The following PRKAG2 variants were observed in gnomAD, a reference collection of about 807,000 sequenced individuals.
PRKAG2 encodes the protein protein kinase AMP-activated non-catalytic subunit gamma 2, also known as 5'-AMP-activated protein kinase subunit gamma-2.
PRKAG2 carries 26 observed loss-of-function variants against 69.6 expected under a neutral mutation model. The observed-to-expected ratio is 0.37, with a 90% confidence interval of 0.27 to 0.52. The LOEUF is 0.52. Among genes scored for constraint, PRKAG2 ranks in the 20% least tolerant of loss-of-function variants. The probability of loss-of-function intolerance (pLI) is 0.90; values close to 1 mark genes in which losing one functional copy is unlikely to be tolerated. For missense variants in PRKAG2, 557 were observed against 740.0 expected (o/e 0.75, Z 2.87); for synonymous variants, 293 against 285.0 (o/e 1.03, Z -0.28).
chr7:151,866,241 C>G (rs185646678), intron 1 of PRKAG2, among the ~76,000 whole-genome samples: 6 of 152,240 alleles, frequency 3.9e-5, no homozygotes, highest in African/African-American at 1.4e-4. Flanking sequence ...AGCCTCATCC[C>G]CTACCCCAGG....
intron 4 of PRKAG2, among the ~76,000 whole-genome samples, chr7:151,669,107 CT>C (rs1211193440): frequency 1.3e-5 from 2 of 152,134 alleles, no homozygotes; most frequent in African/African-American, 4.8e-5. Flanking sequence ...GGGAATGACA[CT>C]TTCTTTTCTC....
intron 5 of PRKAG2, among the ~76,000 whole-genome samples, chr7:151,619,681 GA>G (rs887396476): frequency 2.0e-5 from 3 of 152,066 alleles, no homozygotes; most frequent in African/African-American, 7.2e-5. Context: ...TCATCCCCAA[GA>G]TATCTCATTA....
intron 3 of PRKAG2, chr7:151,735,840 G>A (rs1227143430): frequency 3.1e-5 from 47 of 1,531,764 alleles, no homozygotes; most frequent in Non-Finnish European, 3.8e-5. Context: ...GTGCACACAC[G>A]CCGTGGGGTT....
At chr7:151,608,221 A>G (rs538347343) in intron 5 of PRKAG2, among the ~76,000 whole-genome samples, 1 of 152,308 alleles carries the variant, frequency 6.6e-6, no homozygotes, top group East Asian at 1.9e-4. Context: ...AACCCTGCTG[A>G]TGACTTACTC....
At chr7:151,578,680 G>A (rs1451873528) in intron 6 of PRKAG2, among the ~76,000 whole-genome samples, 1 of 152,208 alleles carries the variant, frequency 6.6e-6, no homozygotes, top group Non-Finnish European at 1.5e-5. Flanking sequence ...GAAATGAGTA[G>A]AGCCAACCCA....
intron 1 of PRKAG2, among the ~76,000 whole-genome samples, chr7:151,799,965 TAA>T (rs1452156035): frequency 6.6e-6 from 1 of 152,242 alleles, no homozygotes; most frequent in Admixed American, 6.5e-5. Context: ...AGTCTTTTTA[TAA>T]GTTTAATTCT....
chr7:151,626,508 A>G (rs1355000177), intron 5 of PRKAG2, among the ~76,000 whole-genome samples: 3 of 152,204 alleles, frequency 2.0e-5, no homozygotes, highest in African/African-American at 7.2e-5. Context: ...TCAGCAGGGA[A>G]GGGTAGAGTT....
At chr7:151,792,564 G>A (rs568668147) in intron 1 of PRKAG2, among the ~76,000 whole-genome samples, 3 of 152,302 alleles carry the variant, frequency 2.0e-5, no homozygotes, top group South Asian at 4.1e-4. Context: ...ACCTTCCAGC[G>A]TTTCTGATGT....
intron 5 of PRKAG2, among the ~76,000 whole-genome samples, chr7:151,622,381 T>C (rs1018714838): frequency 1.3e-5 from 2 of 152,230 alleles, no homozygotes; most frequent in Non-Finnish European, 2.9e-5. Context: ...TACTATGGCG[T>C]GCCATTGTTT....
At chr7:151,701,551 T>C (rs1315647290) in intron 3 of PRKAG2, among the ~76,000 whole-genome samples, 1 of 152,052 alleles carries the variant, frequency 6.6e-6, no homozygotes, top group African/African-American at 2.4e-5. Flanking sequence ...AGCCAAAGAA[T>C]AAGGATTGCC....
chr7:151,672,778 A>C (rs10261373), intron 4 of PRKAG2, among the ~76,000 whole-genome samples: 7,669 of 151,988 alleles, frequency 0.05, 661 homozygotes, highest in African/African-American at 0.18. Context: ...CATTCACGAC[A>C]TTTGGATTGT....
At chr7:151,858,874 T>G (rs1265321445) in intron 1 of PRKAG2, among the ~76,000 whole-genome samples, 1 of 152,172 alleles carries the variant, frequency 6.6e-6, no homozygotes, top group East Asian at 1.9e-4. Context: ...ACACGAATTC[T>G]GCCCCCAGGA....
chr7:151,728,199 C>T (rs1245329993), intron 3 of PRKAG2, among the ~76,000 whole-genome samples: 1 of 152,146 alleles, frequency 6.6e-6, no homozygotes, highest in Admixed American at 6.5e-5. Flanking sequence ...CACAGCAGCA[C>T]CAGAGACTGC....
intron 1 of PRKAG2, among the ~76,000 whole-genome samples, chr7:151,821,352 C>T (rs917651789): frequency 6.6e-6 from 1 of 152,126 alleles, no homozygotes; most frequent in African/African-American, 2.4e-5. Flanking sequence ...CATGGCAACT[C>T]GATCTTTCTT....
intron 4 of PRKAG2, among the ~76,000 whole-genome samples, chr7:151,651,436 G>A (rs935946288): frequency 2.0e-5 from 3 of 151,970 alleles, no homozygotes; most frequent in Admixed American, 6.6e-5. Context: ...GTGAAACCCC[G>A]TCTCTACTAA....
chr7:151,634,957 C>CT lies in PRKAG2; in HGVS notation c.685-2820dup, dbSNP rs762529315. ...AACCACTGTTTTTTTTTTTTTTTTT[C>CT]TTTTTTTTTTGAGACAGGGTCTCCC... is the stretch of plus-strand genomic sequence containing the variant. On this transcript the variant is annotated intron_variant, in intron 4 of 15. Coordinates refer to ENST00000287878, the MANE Select transcript of PRKAG2 (RefSeq NM_016203.4). Among the ~76,000 whole-genome samples the CT allele has an allele frequency of 4.6e-3, 452 of 97,658 alleles. 1 individual carries two copies. The highest frequency in any genetic ancestry group is 0.041 in the Middle Eastern group (7 of 172). The allele number at this position is 97,658 out of a possible 152,430, so 64.1% of individuals were successfully genotyped here. A position where few individuals can be genotyped will look rare whatever the true frequency, so the allele number is the denominator to read the frequency against.
intron 1 of PRKAG2, among the ~76,000 whole-genome samples, chr7:151,852,222 G>A (rs146415281): frequency 9.1e-4 from 138 of 152,304 alleles, no homozygotes; most frequent in Middle Eastern, 3.4e-3. Context: ...AAGCCCTGGC[G>A]GGGCACAGAA....
chr7:151,765,381 C>T (rs1405769766), intron 3 of PRKAG2, among the ~76,000 whole-genome samples: 1 of 152,170 alleles, frequency 6.6e-6, no homozygotes, highest in Admixed American at 6.5e-5. Context: ...GGAAGTCTGC[C>T]CCTACGATTC....
chr7:151,715,791 C>A (rs1338329171), intron 3 of PRKAG2, among the ~76,000 whole-genome samples: 2 of 152,086 alleles, frequency 1.3e-5, no homozygotes, highest in African/African-American at 4.8e-5. Flanking sequence ...AAAGCCAAGA[C>A]CACAGAAAAC....
Sources: gnomAD v4.1 joint callset for allele counts (sites outside exome capture counted in the v4.1 genomes callset) on GRCh38, gnomAD v4.1.1 for gene constraint, MANE v1.5 for transcripts, NCBI Gene and HGNC (gene_info 2026-07-23, HGNC 2026-07-21) for gene names.